TRPV2: variants seen among roughly 807,000 people sequenced by gnomAD.
The protein encoded by TRPV2 is transient receptor potential cation channel subfamily V member 2.
A neutral mutation model predicts 91.0 loss-of-function variants in TRPV2; 58 were observed. That is an observed-to-expected ratio of 0.64 (90% confidence interval 0.52 to 0.79). TRPV2 has a LOEUF of 0.79. Among genes scored for constraint, TRPV2 ranks in the 30% least tolerant of loss-of-function variants. The probability of loss-of-function intolerance (pLI) is 0.00; values close to 1 mark genes in which losing one functional copy is unlikely to be tolerated. For missense variants in TRPV2, 807 were observed against 969.6 expected (o/e 0.83, Z 2.23); for synonymous variants, 417 against 414.8 (o/e 1.01, Z -0.06).
intron 1 of TRPV2, chr17:16,416,183 G>C (rs2093329485): frequency 6.6e-6 from 1 of 152,318 alleles, no homozygotes; most frequent in African/African-American, 2.4e-5. Flanking sequence ...AGAAAGGGTG[G>C]TGGGTCACAT....
rs373056671 is a variant in TRPV2, at chr17:16,431,770, C to T, written c.1588-14C>T. The T allele has an allele frequency of 3.7e-6, 6 of 1,613,862 alleles. No individual in the cohort carries two copies. The African/African-American group carries it at 8.0e-5, about 22-fold the overall frequency. ...CCAGCTACCCACCCTGGCCCCTGGGCACATGTGTTCCAGGTCATCCTGCGG... is the reference window on the plus strand; with the variant it reads ...CCAGCTACCCACCCTGGCCCCTGGGTACATGTGTTCCAGGTCATCCTGCGG... On this transcript the variant is annotated splice_polypyrimidine_tract_variant and intron_variant, in intron 10 of 14. Transcript: ENST00000338560.
chr17:16,426,716 C>T lies in TRPV2; in HGVS notation c.1096-6C>T, dbSNP rs772550799. 7.4e-6 allele frequency: 12 copies of T among 1,611,516 alleles called. No homozygotes were observed. In the Admixed American group the frequency reaches 1.3e-4, roughly 18 times the overall value. On this transcript the variant is annotated splice_region_variant and splice_polypyrimidine_tract_variant and intron_variant, in intron 6 of 14. Transcript: ENST00000338560. This position sits in a 1 kb window ranked among gnomAD's most constrained non-coding sequence, Gnocchi z 6.0. ...TGTACCCATGGCTCTCCCCTCCCCACCCCAGCACCGACACCGAATGGTCGT... is the reference window on the plus strand; with the variant it reads ...TGTACCCATGGCTCTCCCCTCCCCATCCCAGCACCGACACCGAATGGTCGT...
chr17:16,421,614 C>T (rs538671622), intron 3 of TRPV2, among the ~76,000 whole-genome samples: 45 of 151,336 alleles, frequency 3.0e-4, no homozygotes, highest in African/African-American at 1.1e-3. Flanking sequence ...CTCTGCCTCC[C>T]GGGTCCAAGC....
At chr17:16,417,070 A>C (rs1249510904) in intron 1 of TRPV2, among the ~76,000 whole-genome samples, 1 of 151,968 alleles carries the variant, frequency 6.6e-6, no homozygotes, top group Admixed American at 6.6e-5. Context: ...CAACATCAAA[A>C]GGGTGGCCCT....
intron 2 of TRPV2, among the ~76,000 whole-genome samples, chr17:16,419,029 CAAA>C (rs746511644): frequency 1.5e-5 from 2 of 130,292 alleles, no homozygotes; most frequent in Non-Finnish European, 1.7e-5. Context: ...ACTCTGTCTC[CAAA>C]AAAAAAAAAA....
At position 16,427,516 on chromosome 17, in the gene TRPV2, T is replaced by C. The variant is rs1170421443; in HGVS notation, c.1319T>C (p.Leu440Pro). Residue 440 changes from leucine (L) to proline (P), a missense_variant, in exon 8 of 15, where the codon CTG (leucine) becomes CCG (proline). Physicochemically the swap from Leu to Pro is moderately conservative, Grantham distance 98. Coordinates refer to ENST00000338560, the MANE Select transcript of TRPV2 (RefSeq NM_016113.5). ...CTGCTGACGGGCCACATCCTTATCC[T>C]GCTAGGGGGGATCTACCTCCTCGTG... Reference protein sequence around the residue: ...SMLLTGHILILLGGIYLLVGQ... With the variant: ...SMLLTGHILIPLGGIYLLVGQ... The C allele has an allele frequency of 6.2e-7, 1 of 1,613,366 alleles. No individual in the cohort carries two copies. The highest frequency in any genetic ancestry group is 8.5e-7 in the Non-Finnish European group (1 of 1,179,578).
At chr17:16,431,286 T>TAC (rs1374339610) in intron 10 of TRPV2, among the ~76,000 whole-genome samples, 3 of 48,702 alleles carry the variant, frequency 6.2e-5, no homozygotes, top group African/African-American at 1.5e-4. Flanking sequence ...TATATATATA[T>TAC]ACATATTTTT....
rs750194195 is a variant in TRPV2 at position 16,434,925 on chromosome 17, C to A, written c.2150C>A (p.Thr717Lys). 2.5e-6 allele frequency: 4 copies of A among 1,611,922 alleles called. No individual in the cohort carries two copies. Among genetic ancestry groups the A allele is most frequent in the Non-Finnish European group, 3.4e-6 (4 of 1,179,168 alleles). ...GTGAACTGGGCTTCATGGGAGCAGA[C>A]GCTGCCTACGCTGTGTGAGGACCCG... ...EEVNWASWEQ[T>K]LPTLCEDPSG... is the part of the protein sequence containing the mutation. Residue 717 changes from threonine (T) to lysine (K), a missense_variant, in exon 14 of 15, where the codon ACG becomes AAG. Transcript: ENST00000338560.
intron 8 of TRPV2, 124 bp downstream of exon 8, chr17:16,427,671 A>C: frequency 1.1e-4 from 100 of 886,612 alleles, no homozygotes; most frequent in Non-Finnish European, 1.5e-4. Context: ...AACCAGCCTC[A>C]CTGAAGCTGA....
intron 12 of TRPV2, among the ~76,000 whole-genome samples, chr17:16,432,634 G>T (rs1213258623): frequency 6.6e-6 from 1 of 151,712 alleles, no homozygotes; most frequent in Non-Finnish European, 1.5e-5. Flanking sequence ...AGAGAAGAAG[G>T]TCTCACTATG....
intron 13 of TRPV2, 57 bp downstream of exon 13, chr17:16,433,755 C>G (rs2093423681): frequency 2.6e-5 from 42 of 1,593,608 alleles, no homozygotes; most frequent in Non-Finnish European, 3.4e-5. Flanking sequence ...ATCCCTGGGG[C>G]CCCCCTGCAG....
At position 16,431,292 on chromosome 17, in the gene TRPV2, T is replaced by TATA. The variant is rs1491493192; in HGVS notation, c.1588-492_1588-491insATA. Among the ~76,000 whole-genome samples, 149 of 16,248 alleles carry TATA rather than the reference T, an allele frequency of 9.2e-3. 2 individuals carry two copies. Among genetic ancestry groups the TATA allele is most frequent in the East Asian group, 0.017 (2 of 116 alleles). The allele number at this position is 16,248 out of a possible 152,430, so 10.7% of individuals were successfully genotyped here. ...ATATATATATATATATATATACATATTTTTTTTTTTTTTTTTTTTGAGACG... is the reference window on the plus strand; with the variant it reads ...ATATATATATATATATATATACATATATATTTTTTTTTTTTTTTTTTTGAGACG... On this transcript the variant is annotated intron_variant, in intron 10 of 14. Coordinates refer to ENST00000338560, the MANE Select transcript of TRPV2 (RefSeq NM_016113.5).
Position 16,431,967 on chromosome 17 carries a change from C to A in TRPV2, c.1656C>A (p.Ala552=), listed in dbSNP as rs1408679242. 1 of 1,605,826 alleles carries A rather than the reference C, an allele frequency of 6.2e-7. No homozygotes were observed. Among genetic ancestry groups the A allele is most frequent in the Non-Finnish European group, 8.5e-7 (1 of 1,174,462 alleles). Residue 552 remains alanine, a splice_region_variant and synonymous_variant, in exon 12 of 15, where the codon GCC becomes GCA. Transcript: ENST00000338560. ...GACCCCTCTCCCTTCATCCCATAGC[C>A]CTGGTGAGCCTGAGCCAGGAGGCTT... ...YLVFLFGFAV[A]LVSLSQEAWR...
chr17:16,417,340 A>C (rs1294924267), intron 1 of TRPV2, among the ~76,000 whole-genome samples: 1 of 145,862 alleles, frequency 6.9e-6, no homozygotes, highest in Non-Finnish European at 1.5e-5. Context: ...TTCCGGGTTT[A>C]AGCAATTCTC....
At chr17:16,431,643 TC>T in intron 10 of TRPV2, 140 bp from the exon 11 acceptor site, 1 of 734,062 alleles carries the variant, frequency 1.4e-6, no homozygotes, top group Non-Finnish European at 2.3e-6. Context: ...TCGGTGTGGC[TC>T]CACAGGCCCA....
chr17:16,426,052 G>T lies in TRPV2; in HGVS notation c.925-47G>T, dbSNP rs756181218. 6.2e-7 allele frequency: 1 copy of T among 1,607,610 alleles called. No homozygotes were observed. The highest frequency in any genetic ancestry group is 1.7e-5 in the Admixed American group (1 of 59,870). ...GTTTCCCAGCCTTGGCCCAGGATCAGTGCCAGGAAGGGACCATGAATGCAA... is the reference window on the plus strand; with the variant it reads ...GTTTCCCAGCCTTGGCCCAGGATCATTGCCAGGAAGGGACCATGAATGCAA... On this transcript the variant is annotated intron_variant, in intron 5 of 14. Coordinates refer to ENST00000338560, the MANE Select transcript of TRPV2 (RefSeq NM_016113.5). This position sits in a 1 kb window ranked among gnomAD's most constrained non-coding sequence, Gnocchi z 6.0.
chr17:16,420,125 C>G lies in TRPV2; in HGVS notation c.211C>G (p.Pro71Ala), dbSNP rs760675051. 1.9e-6 allele frequency: 3 copies of G among 1,613,208 alleles called. No homozygotes were observed. Among genetic ancestry groups the G allele is most frequent in the South Asian group, 2.2e-5 (2 of 91,032 alleles). ...CCACATCCTCCACAGTCAGCCGGAT[C>G]CAAACCGATTTGACCGAGATCGGCT... Reference protein sequence around the residue: ...RKGTGASQPDPNRFDRDRLFN... With the variant: ...RKGTGASQPDANRFDRDRLFN... The change falls in exon 3 of 15, where the codon CCA becomes GCA. Residue 71 changes from proline to alanine, a missense_variant. Transcript: ENST00000338560.
chr17:16,436,059 C>T (rs967234532), intron 14 of TRPV2, among the ~76,000 whole-genome samples: 12 of 152,096 alleles, frequency 7.9e-5, no homozygotes, highest in Non-Finnish European at 1.8e-4. Flanking sequence ...CCCCTCCTCA[C>T]CCAGGTGGAA....
rs1407019369 is a variant in TRPV2, at chr17:16,423,553, G to A, written c.710G>A (p.Ser237Asn). 9 of 1,614,178 alleles carry A rather than the reference G, an allele frequency of 5.6e-6. No individual in the cohort carries two copies. The highest frequency in any genetic ancestry group is 7.6e-6 in the Non-Finnish European group (9 of 1,180,018). ...CTGGAGAACCCACACCAGCCCGCCAGCCTGCAGGCCACTGACTCCCAGGGC... is the reference window on the plus strand; with the variant it reads ...CTGGAGAACCCACACCAGCCCGCCAACCTGCAGGCCACTGACTCCCAGGGC... ...YLLENPHQPA[S>N]LQATDSQGNT... The change falls in exon 5 of 15, where the codon AGC becomes AAC. Residue 237 changes from serine to asparagine, a missense_variant. Physicochemically the swap from Ser to Asn is conservative, Grantham distance 46. Transcript: ENST00000338560.
Sources: allele counts gnomAD v4.1 joint callset (sites outside exome capture counted in the v4.1 genomes callset), GRCh38; gene constraint gnomAD v4.1.1; non-coding constraint Gnocchi (gnomAD v3.1); transcripts MANE v1.5; gene names NCBI Gene and HGNC (gene_info 2026-07-23, HGNC 2026-07-21).